The following PRKG1 variants were observed in gnomAD, a reference collection of about 807,000 sequenced individuals.
The protein encoded by PRKG1 is cGMP-dependent protein kinase 1.
In PRKG1, 35 loss-of-function variants were observed where a neutral mutation model predicts 88.1. The ratio of observed to expected loss-of-function variants is 0.40; its 90% confidence interval spans 0.30 to 0.53. PRKG1 has a LOEUF of 0.53. PRKG1 is among the 20% of genes least tolerant of loss of function. The pLI, the probability that PRKG1 is intolerant of heterozygous loss-of-function variation, is 0.59. For missense variants in PRKG1, 540 were observed against 839.8 expected (o/e 0.64, Z 4.41); for synonymous variants, 303 against 292.5 (o/e 1.04, Z -0.37).
chr10:51,970,751 C>A lies in PRKG1; in HGVS notation c.762+63181C>A, dbSNP rs1046153867. ...GATATATCAGATTATATATATATAT[C>A]AGATATATCAGATTATATATATATA... On this transcript the variant is annotated intron_variant, in intron 5 of 17. Coordinates refer to ENST00000373980, the MANE Select transcript of PRKG1 (RefSeq NM_006258.4). 3.5e-5 allele frequency among the ~76,000 whole-genome samples: 5 copies of A among 141,378 alleles called. No homozygotes were observed. In the South Asian group the frequency reaches 6.6e-4, roughly 19 times the overall value. 92.7% of individuals were successfully genotyped at this position (141,378 alleles called of 152,430 possible).
intron 5 of PRKG1, among the ~76,000 whole-genome samples, chr10:51,950,667 A>C (rs919469740): frequency 2.0e-5 from 3 of 152,210 alleles, no homozygotes; most frequent in Non-Finnish European, 1.5e-5. Context: ...TTAGTATGCT[A>C]ATTAGTTCTT....
intron 2 of PRKG1, among the ~76,000 whole-genome samples, chr10:51,277,957 C>A (rs1445475926): frequency 1.3e-5 from 2 of 152,182 alleles, no homozygotes; most frequent in East Asian, 1.9e-4. Flanking sequence ...CTTTCTCCTG[C>A]CTGATTGCCC....
intron 5 of PRKG1, among the ~76,000 whole-genome samples, chr10:51,983,479 C>T (rs959100066): frequency 3.9e-5 from 6 of 152,116 alleles, no homozygotes; most frequent in African/African-American, 1.4e-4. Context: ...CAGGTGTGGC[C>T]ATGCTGGGGC....
intron 2 of PRKG1, among the ~76,000 whole-genome samples, chr10:51,407,360 A>G (rs1666499946): frequency 6.6e-6 from 1 of 152,184 alleles, no homozygotes; most frequent in South Asian, 2.1e-4. Flanking sequence ...GAAACACACC[A>G]ATCCCCAACC....
rs113972686 is a variant in PRKG1 at position 52,046,341 on chromosome 10, A to G, written c.763-8143A>G. Among the ~76,000 whole-genome samples the G allele has an allele frequency of 3.9e-5, 6 of 152,164 alleles. 1 individual carries two copies. Among genetic ancestry groups the G allele is most frequent in the African/African-American group, 1.4e-4 (6 of 41,528 alleles). On this transcript the variant is annotated intron_variant, in intron 5 of 17. Transcript: ENST00000373980. The stretch of plus-strand genomic sequence containing the variant: ...CATTTGTGGAGGTATTTGTACCTTT[A>G]CAAACACTGTTCTCTACACATGGAA...
At chr10:51,623,190 C>A (rs1839251652) in intron 3 of PRKG1, among the ~76,000 whole-genome samples, 1 of 152,116 alleles carries the variant, frequency 6.6e-6, no homozygotes, top group Non-Finnish European at 1.5e-5. Flanking sequence ...ATAGCTGAAG[C>A]AATTTCAGTT....
chr10:51,962,341 A>T (rs549727393), intron 5 of PRKG1, among the ~76,000 whole-genome samples: 1 of 152,170 alleles, frequency 6.6e-6, no homozygotes, highest in South Asian at 2.1e-4. Context: ...CCCCTATTAT[A>T]GCTGTGAGAT....
rs550388749 is a variant in PRKG1 at position 51,641,379 on chromosome 10, C to T, written c.593-163206C>T. Among the ~76,000 whole-genome samples, 97 of 152,190 alleles carry T rather than the reference C, an allele frequency of 6.4e-4. 1 individual carries two copies. The highest frequency in any genetic ancestry group is 6.8e-3 in the Middle Eastern group (2 of 294). On this transcript the variant is annotated intron_variant, in intron 3 of 17. Coordinates refer to ENST00000373980, the MANE Select transcript of PRKG1 (RefSeq NM_006258.4). ...GTTCACATCAATCATCAGACAGGAACGGAACAAACTCCAAGGTGATGAATT... is the reference window on the plus strand; with the variant it reads ...GTTCACATCAATCATCAGACAGGAATGGAACAAACTCCAAGGTGATGAATT...
intron 3 of PRKG1, among the ~76,000 whole-genome samples, chr10:51,638,620 A>G (rs1454674326): frequency 2.0e-5 from 3 of 152,162 alleles, no homozygotes; most frequent in Admixed American, 2.0e-4. Context: ...AGGCATATAG[A>G]TAACCAAGAA....
At chr10:51,081,720 G>A (rs1470916846) in intron 1 of PRKG1, among the ~76,000 whole-genome samples, 1 of 152,272 alleles carries the variant, frequency 6.6e-6, no homozygotes. Flanking sequence ...CACTGCTCCT[G>A]TGCTTTATAT....
chr10:51,522,687 C>G (rs1325191525), intron 3 of PRKG1, among the ~76,000 whole-genome samples: 1 of 152,124 alleles, frequency 6.6e-6, no homozygotes, highest in Non-Finnish European at 1.5e-5. Context: ...TGAGATTTCA[C>G]TTTAATTGAT....
At chr10:51,621,520 G>C (rs1839211681) in intron 3 of PRKG1, among the ~76,000 whole-genome samples, 1 of 152,072 alleles carries the variant, frequency 6.6e-6, no homozygotes, top group Non-Finnish European at 1.5e-5. Context: ...GTCCACCTTA[G>C]TCCCTAGAGC....
chr10:51,204,383 T>A (rs1292848230), intron 2 of PRKG1, among the ~76,000 whole-genome samples: 1 of 151,936 alleles, frequency 6.6e-6, no homozygotes, highest in African/African-American at 2.4e-5. Flanking sequence ...TGTGTGTGTG[T>A]GTGTGTGTGT....
At chr10:51,191,379 A>T (rs890466060) in intron 2 of PRKG1, among the ~76,000 whole-genome samples, 4 of 151,848 alleles carry the variant, frequency 2.6e-5, no homozygotes, top group Non-Finnish European at 5.9e-5. Flanking sequence ...CTCCATATGT[A>T]AGAAAAGTGA....
rs1841707766 is a variant in PRKG1 at position 51,520,478 on chromosome 10, A to G, written c.592+52642A>G. 2.6e-5 allele frequency among the ~76,000 whole-genome samples: 4 copies of G among 152,154 alleles called. No homozygotes were observed. In the South Asian group the frequency reaches 6.2e-4, roughly 24 times the overall value. On this transcript the variant is annotated intron_variant, in intron 3 of 17. Transcript: ENST00000373980. ...ATCACTACGCCAGTCTGTAAATTGC[A>G]TGAGGAACGCAGGGCAGTCTGTACT...
At chr10:51,481,050 T>C (rs561938207) in intron 3 of PRKG1, among the ~76,000 whole-genome samples, 1 of 152,244 alleles carries the variant, frequency 6.6e-6, no homozygotes, top group South Asian at 2.1e-4. Flanking sequence ...ATGAAACTCA[T>C]ACACAGTAGA....
In PRKG1 at chr10:51,475,788, G is replaced by GT. The variant is rs142602594; in HGVS notation, c.592+7954dup. Among the ~76,000 whole-genome samples, 874 of 152,064 alleles carry GT rather than the reference G, an allele frequency of 5.7e-3. 22 individuals carry two copies. The highest frequency in any genetic ancestry group is 0.041 in the Admixed American group (620 of 15,224). On this transcript the variant is annotated intron_variant, in intron 3 of 17. Transcript: ENST00000373980. Reference sequence around the variant, plus strand: ...AAATCATGGACTGTCGAGCCATGTTGTTAACAAAAATCACTTTTAGATTTA... The same window carrying GT: ...AAATCATGGACTGTCGAGCCATGTTGTTTAACAAAAATCACTTTTAGATTTA...
At chr10:51,221,612 C>CT (rs1355224968) in intron 2 of PRKG1, among the ~76,000 whole-genome samples, 1 of 132,678 alleles carries the variant, frequency 7.5e-6, no homozygotes, top group Non-Finnish European at 1.6e-5. Context: ...ACAATGTGTT[C>CT]TAAAAAAAAA....
intron 1 of PRKG1, among the ~76,000 whole-genome samples, chr10:51,019,477 C>T (rs1357865893): frequency 3.3e-5 from 5 of 152,060 alleles, no homozygotes; most frequent in South Asian, 2.1e-4. Context: ...TTACCTAACA[C>T]CATATACAAA....
Sources: allele counts gnomAD v4.1 joint callset (sites outside exome capture counted in the v4.1 genomes callset), GRCh38; gene constraint gnomAD v4.1.1; transcripts MANE v1.5; gene names NCBI Gene and HGNC (gene_info 2026-07-23, HGNC 2026-07-21).